Variants in AGT observed in about 807,000 individuals in gnomAD.
AGT encodes angiotensinogen.
In AGT, 26 loss-of-function variants were observed where a neutral mutation model predicts 28.1. The ratio of observed to expected loss-of-function variants is 0.92; its 90% CI spans 0.68 to 1.28. The LOEUF (loss-of-function observed/expected upper bound fraction) is 1.28. AGT is among the 50% of genes most tolerant of loss of function. The pLI, the probability that AGT is intolerant of heterozygous loss-of-function variation, is 0.00. For missense variants in AGT, 596 were observed against 592.3 expected (o/e 1.01, Z -0.06); for synonymous variants, 259 against 259.6 (o/e 1.00, Z 0.02).
chr1:230,710,150 A>G lies in AGT; in HGVS notation c.674T>C (p.Val225Ala), dbSNP rs1663532384. Residue 225 changes from valine (V) to alanine (A), a missense_variant, in exon 2 of 5, where the codon GTC becomes GCC. By Grantham distance (64) the Val-to-Ala change is moderately conservative. Transcript: ENST00000366667. ...TGTGAAGTCCAGAGAGCGTGGGAGG[A>G]CCACAGGGGTATAGAGAGCCAGGCC... ...VQGLALYTPV[V>A]LPRSLDFTEL... The G allele has an allele frequency of 6.2e-7, 1 of 1,614,128 alleles. No individual in the cohort carries two copies. The highest frequency in any genetic ancestry group is 1.7e-5 in the Admixed American group (1 of 60,030).
chr1:230,703,051 A>G lies in AGT; in HGVS notation c.*90T>C, dbSNP rs207482232. 433 of 1,444,164 alleles carry G rather than the reference A, an allele frequency of 3.0e-4. 5 individuals carry two copies. The South Asian group carries it at 5.0e-3, about 17-fold the overall frequency. 89.5% of individuals were successfully genotyped at this position (1,444,164 alleles called of 1,614,324 possible). On this transcript the variant is annotated 3_prime_UTR_variant, in exon 5 of 5. Coordinates refer to ENST00000366667, the MANE Select transcript of AGT (RefSeq NM_001384479.1). ...GGAGACTGGGGGTGACACATCGCTG[A>G]TTTGTCCGGGGTTGTTATCTGCTGC...
Position 230,702,997 on chromosome 1 carries a change from T to C in AGT, c.*144A>G. ...CAAGGAGAAACGGCTGCTTTCCAGC[T>C]CAAAGTCGACTCATTAGAAGAAAAG... is the stretch of plus-strand genomic sequence containing the variant. On this transcript the variant is annotated 3_prime_UTR_variant, in exon 5 of 5. Transcript: ENST00000366667. 1.1e-6 allele frequency: 1 copy of C among 935,788 alleles called. No homozygotes were observed. The highest frequency in any genetic ancestry group is 1.6e-6 in the Non-Finnish European group (1 of 632,260). The allele number at this position is 935,788 out of a possible 1,614,324, so 58.0% of individuals were successfully genotyped here. A position where few individuals can be genotyped will look rare whatever the true frequency, so the allele number is the denominator to read the frequency against.
chr1:230,720,956 C>T (rs1663832300), intron 1 of AGT, among the ~76,000 whole-genome samples: 1 of 152,228 alleles, frequency 6.6e-6, no homozygotes, highest in African/African-American at 2.4e-5. Flanking sequence ...GGGACAAGAA[C>T]TCAGGAACTG....
chr1:230,718,722 C>CTTTTTTTTTTTTTTTTTT (rs1228887131), upstream of AGT, among the ~76,000 whole-genome samples: 9 of 118,496 alleles, frequency 7.6e-5, 1 homozygote, highest in African/African-American at 2.4e-4. Flanking sequence ...TTCCACACCG[C>CTTTTTTTTTTTTTTTTTT]TTTTTTTTTT....
At chr1:230,730,117 C>T (rs988858527) in intron 1 of AGT, among the ~76,000 whole-genome samples, 1 of 152,088 alleles carries the variant, frequency 6.6e-6, no homozygotes, top group Non-Finnish European at 1.5e-5. Context: ...GACAGGGTTT[C>T]ACCTTGTTGG....
chr1:230,745,428 C>T (rs190588646), intron 1 of AGT, among the ~76,000 whole-genome samples: 1 of 152,330 alleles, frequency 6.6e-6, no homozygotes, highest in African/African-American at 2.4e-5. Flanking sequence ...CCAGGGAAAA[C>T]TGGGAATTTG....
chr1:230,712,021 G>A (rs905042696), intron 1 of AGT, among the ~76,000 whole-genome samples: 1 of 152,096 alleles, frequency 6.6e-6, no homozygotes, highest in African/African-American at 2.4e-5. Flanking sequence ...CATTTCATCT[G>A]ACTCTTCTTG....
chr1:230,704,007 T>C (rs1663307144), intron 4 of AGT, among the ~76,000 whole-genome samples, 186 bp downstream of exon 4: 1 of 152,184 alleles, frequency 6.6e-6, no homozygotes, highest in Non-Finnish European at 1.5e-5. Context: ...GGGAGGGATT[T>C]GCTGCTCTGC....
At chr1:230,737,956 G>C (rs1187455268) in intron 1 of AGT, among the ~76,000 whole-genome samples, 1 of 150,902 alleles carries the variant, frequency 6.6e-6, no homozygotes, top group Non-Finnish European at 1.5e-5. Flanking sequence ...TCCATAGTCT[G>C]TTGTCCTTTG....
In AGT at chr1:230,729,217, C is replaced by T. The variant is rs566562271; in HGVS notation, c.-31+16298G>A. Reference sequence around the variant, plus strand: ...TCCACTCTCTCTCTGGACTTTCATCCGCACTCAGCAACAGCCTGTTGGCGC... The same window carrying T: ...TCCACTCTCTCTCTGGACTTTCATCTGCACTCAGCAACAGCCTGTTGGCGC... On this transcript the variant is annotated intron_variant, in intron 1 of 4. Transcript: ENST00000681269. 4.6e-5 allele frequency among the ~76,000 whole-genome samples: 7 copies of T among 152,316 alleles called. No homozygotes were observed. The East Asian group carries it at 1.2e-3, about 25-fold the overall frequency.
chr1:230,719,634 C>T (rs1663807521), intron 1 of AGT, among the ~76,000 whole-genome samples: 1 of 151,992 alleles, frequency 6.6e-6, no homozygotes, highest in Non-Finnish European at 1.5e-5. Flanking sequence ...GTCTCGATCT[C>T]CTGACCTCGT....
chr1:230,724,416 T>A (rs1663900097), intron 1 of AGT, among the ~76,000 whole-genome samples: 1 of 152,234 alleles, frequency 6.6e-6, no homozygotes, highest in East Asian at 1.9e-4. Flanking sequence ...ATGACTATAC[T>A]GGGAATTCTG....
At chr1:230,719,796 C>A (rs1176904377) in intron 1 of AGT, among the ~76,000 whole-genome samples, 1 of 152,178 alleles carries the variant, frequency 6.6e-6, no homozygotes, top group Admixed American at 6.5e-5. Flanking sequence ...AGTCGTTTAC[C>A]TCTATCAATG....
intron 1 of AGT, among the ~76,000 whole-genome samples, chr1:230,727,918 T>C (rs1189625305): frequency 6.6e-6 from 1 of 152,212 alleles, no homozygotes; most frequent in Admixed American, 6.5e-5. Flanking sequence ...AAGAGTTTTA[T>C]ACACATAGAG....
chr1:230,719,417 T>A (rs1466338064), upstream of AGT, among the ~76,000 whole-genome samples: 26,619 of 103,744 alleles, frequency 0.26, 3,770 homozygotes, highest in East Asian at 0.57. Context: ...TTTTTTTTTT[T>A]TTTTTTTTGA....
At chr1:230,711,382 G>A (rs538383383) in intron 1 of AGT, among the ~76,000 whole-genome samples, 1 of 152,200 alleles carries the variant, frequency 6.6e-6, no homozygotes, top group Non-Finnish European at 1.5e-5. Context: ...TGGCTCCCAG[G>A]CTTCTAGCTT....
intron 3 of AGT, 45 bp from the exon 4 acceptor site, chr1:230,704,382 G>A (rs1208415307): frequency 6.2e-7 from 1 of 1,608,700 alleles, no homozygotes; most frequent in Admixed American, 1.7e-5. Flanking sequence ...GCCACACAGT[G>A]AGGGCTCTCC....
Position 230,710,465 on chromosome 1 carries a change from T to C in AGT, c.359A>G (p.His120Arg), listed in dbSNP as rs756283153. The C allele has an allele frequency of 8.7e-6, 14 of 1,614,178 alleles. No homozygotes were observed. Among genetic ancestry groups the C allele is most frequent in the Non-Finnish European group, 1.2e-5 (14 of 1,180,020 alleles). The change falls in exon 2 of 5, where the codon CAT becomes CGT. Residue 120 changes from histidine to arginine, a missense_variant. Physicochemically the swap from His to Arg is conservative, Grantham distance 29. Coordinates refer to ENST00000366667, the MANE Select transcript of AGT (RefSeq NM_001384479.1). The part of the protein sequence containing the change: ...GMHSELWGVV[H>R]GATVLSPTAV... ...CGTTGGGGAGAGGACGGTGGCCCCA[T>C]GGACCACGCCCCATAGCTCACTGTG...
chr1:230,730,229 G>T (rs111996199), intron 1 of AGT, among the ~76,000 whole-genome samples: 20,481 of 151,200 alleles, frequency 0.14, 1,480 homozygotes, highest in South Asian at 0.2. Context: ...CTATTTTTTT[G>T]TTTTGTTTTG....
Sources: allele counts gnomAD v4.1 joint callset (sites outside exome capture counted in the v4.1 genomes callset), GRCh38; gene constraint gnomAD v4.1.1; transcripts MANE v1.5; gene names NCBI Gene and HGNC (gene_info 2026-07-23, HGNC 2026-07-21).